ATP13A3: variants seen among roughly 807,000 people sequenced by gnomAD.
ATP13A3 encodes polyamine-transporting ATPase 13A3.
A neutral mutation model predicts 158.1 loss-of-function variants in ATP13A3; 59 were observed. The observed-to-expected ratio is 0.37, with a 90% CI of 0.30 to 0.46. The LOEUF (loss-of-function observed/expected upper bound fraction) is 0.46, where lower values mean the gene tolerates loss of function less well. Among genes scored for constraint, ATP13A3 ranks in the 20% least tolerant of loss-of-function variants. The pLI, the probability that ATP13A3 is intolerant of heterozygous loss-of-function variation, is 1.00. For synonymous variants in ATP13A3, 491 were observed against 504.3 expected, an observed-to-expected ratio of 0.97 and a Z score of 0.35; for missense variants, 1,166 against 1,525.2, an observed-to-expected ratio of 0.76 and a Z score of 3.92.
chr3:194,493,897 A>C (rs1313788916), intron 2 of ATP13A3, among the ~76,000 whole-genome samples: 1 of 152,136 alleles, frequency 6.6e-6, no homozygotes, highest in African/African-American at 2.4e-5. Context: ...CCTTTATAAC[A>C]ATTCTAGGAA....
In ATP13A3 at chr3:194,425,471, C is replaced by T. The variant is rs531855588; in HGVS notation, c.3184G>A (p.Glu1062Lys). The T allele has an allele frequency of 1.9e-6, 3 of 1,613,698 alleles. No individual in the cohort carries two copies. The highest frequency in any genetic ancestry group is 1.3e-5 in the African/African-American group (1 of 75,028). The change falls in exon 30 of 34, where the codon GAA (glutamate) becomes AAA (lysine). Residue 1062 changes from glutamate to lysine, a missense_variant. Glu to Lys is a moderately conservative substitution (Grantham distance 56). Transcript: ENST00000645319. The part of the protein sequence containing the change: ...WNSSHVDNET[E>K]LDEHNIQNYE... Reference sequence around the variant, plus strand: ...TTTTGTATATTATGTTCATCAAGTTCGGTTTCATTGTCTACGTGTGAAGAA... The same window carrying T: ...TTTTGTATATTATGTTCATCAAGTTTGGTTTCATTGTCTACGTGTGAAGAA...
intron 30 of ATP13A3, among the ~76,000 whole-genome samples, chr3:194,424,194 C>T (rs1716594006): frequency 3.3e-5 from 5 of 150,946 alleles, no homozygotes; most frequent in Admixed American, 3.3e-4. Flanking sequence ...GGTTATACAG[C>T]AATACACAAC....
chr3:194,466,106 T>C (rs1178184339), intron 2 of ATP13A3, among the ~76,000 whole-genome samples: 1 of 151,992 alleles, frequency 6.6e-6, no homozygotes, highest in African/African-American at 2.4e-5. Context: ...ACTAAAACAG[T>C]ACTTAGAAAA....
chr3:194,441,198 T>C, intron 16 of ATP13A3, 113 bp downstream of exon 16: 2 of 838,888 alleles, frequency 2.4e-6, no homozygotes, highest in Non-Finnish European at 3.7e-6. Flanking sequence ...CCTTTTAGGG[T>C]ACAAGATAGA....
Position 194,471,343 on chromosome 3 carries a change from AAAAAG to A in ATP13A3, c.-46-9112_-46-9108del, listed in dbSNP as rs1425867584. The stretch of plus-strand genomic sequence containing the variant: ...AAATTCTAAAAAAAAAAAAAAAAAA[AAAAAG>A]AAAAGAAAAGAAAAAGAAAATTTGA... On this transcript the variant is annotated intron_variant, in intron 2 of 33. Transcript: ENST00000645319. Among the ~76,000 whole-genome samples the A allele has an allele frequency of 9.9e-4, 148 of 149,470 alleles. 1 individual carries two copies. In the South Asian group the frequency reaches 0.012, roughly 13 times the overall value.
chr3:194,466,276 A>C (rs1433538427), intron 2 of ATP13A3, among the ~76,000 whole-genome samples: 2 of 152,182 alleles, frequency 1.3e-5, no homozygotes, highest in Non-Finnish European at 2.9e-5. Flanking sequence ...AAAAACAGAA[A>C]GAGGAAACGT....
At position 194,449,388 on chromosome 3, in the gene ATP13A3, A is replaced by G. The variant is rs567352967; in HGVS notation, c.971-752T>C. On this transcript the variant is annotated intron_variant, in intron 11 of 33. Transcript: ENST00000645319. ...TAAAAAAAAAATTCACACGATTAAA[A>G]TAAGATATTGGACAGGCACAGTGGC... Among the ~76,000 whole-genome samples the G allele has an allele frequency of 2.6e-4, 40 of 152,308 alleles. No individual in the cohort carries two copies. The South Asian group carries it at 3.7e-3, about 14-fold the overall frequency.
chr3:194,471,288 T>G (rs899625183), intron 2 of ATP13A3, among the ~76,000 whole-genome samples: 5 of 134,182 alleles, frequency 3.7e-5, no homozygotes, highest in African/African-American at 1.4e-4. Flanking sequence ...TGAAAAAGCA[T>G]GTGCCTATAA....
chr3:194,424,571 G>C (rs2108787733), intron 30 of ATP13A3: 1 of 152,276 alleles, frequency 6.6e-6, no homozygotes, highest in East Asian at 1.9e-4. Context: ...CTAGAACACT[G>C]CCACCTAGTC....
chr3:194,492,022 C>T (rs1721152827), intron 2 of ATP13A3, among the ~76,000 whole-genome samples: 1 of 152,148 alleles, frequency 6.6e-6, no homozygotes, highest in African/African-American at 2.4e-5. Flanking sequence ...AGCAGAGCTG[C>T]TGATAAAAGC....
chr3:194,471,151 T>C (rs1215674970), intron 2 of ATP13A3, among the ~76,000 whole-genome samples: 2 of 152,054 alleles, frequency 1.3e-5, no homozygotes, highest in East Asian at 3.9e-4. Context: ...CATGGTGCTC[T>C]ATCAGACCAT....
At chr3:194,443,059 C>G (rs1718159731) in intron 15 of ATP13A3, among the ~76,000 whole-genome samples, 3 of 148,758 alleles carry the variant, frequency 2.0e-5, no homozygotes, top group Admixed American at 2.0e-4. Context: ...AAAAGAGTGA[C>G]AGTGAAACAA....
intron 21 of ATP13A3, 178 bp from the exon 22 acceptor site, chr3:194,432,070 A>G (rs114431718): frequency 1.9e-6 from 1 of 535,838 alleles, no homozygotes. Flanking sequence ...TTATCAAAAG[A>G]AGCCTCAAAT....
At chr3:194,420,608 T>C (rs1186801675) in intron 30 of ATP13A3, among the ~76,000 whole-genome samples, 1 of 152,158 alleles carries the variant, frequency 6.6e-6, no homozygotes, top group Non-Finnish European at 1.5e-5. Context: ...GCTGACCTTA[T>C]GGCTTGCTAT....
chr3:194,411,371 A>G (rs777046958), intron 33 of ATP13A3, among the ~76,000 whole-genome samples: 2 of 152,170 alleles, frequency 1.3e-5, no homozygotes, highest in Non-Finnish European at 2.9e-5. Flanking sequence ...ACCCATCTCT[A>G]AAGAAAAATG....
In ATP13A3 at chr3:194,448,268, C is replaced by T. The variant is rs764296348; in HGVS notation, c.1150+189G>A. On this transcript the variant is annotated intron_variant, in intron 12 of 33. Coordinates refer to ENST00000645319, the MANE Select transcript of ATP13A3 (RefSeq NM_001367549.1). This position sits in a 1 kb window ranked among gnomAD's most constrained non-coding sequence, Gnocchi z 4.0. ...AATTTTTTTGTAATTTTGGTAGAGACGGGGTTTCACCATGTTAGCCAGGAT... is the reference window on the plus strand; with the variant it reads ...AATTTTTTTGTAATTTTGGTAGAGATGGGGTTTCACCATGTTAGCCAGGAT... Among the ~76,000 whole-genome samples the T allele has an allele frequency of 3.9e-4, 59 of 152,034 alleles. No individual in the cohort carries two copies. Among genetic ancestry groups the T allele is most frequent in the Admixed American group, 2.9e-3 (45 of 15,272 alleles).
rs764524282 is a variant in ATP13A3 at position 194,437,210 on chromosome 3, C to G, written c.2005G>C (p.Val669Leu). 6.2e-7 allele frequency: 1 copy of G among 1,614,072 alleles called. No homozygotes were observed. The highest frequency in any genetic ancestry group is 8.5e-7 in the Non-Finnish European group (1 of 1,179,990). ...AGLCKPETVP[V>L]DFQNVLEDFT... ...TCTTCCAAAACGTTTTGAAAATCGA[C>G]AGGAACTTTTTAAAAGAAAGAGTAA... Residue 669 changes from valine (V) to leucine (L), a missense_variant, in exon 20 of 34, where the codon GTC becomes CTC. Around this residue, in one of 3 missense-constraint regions of ATP13A3, gnomAD observed 997 missense variants for 1,341.2 expected, o/e 0.74. Transcript: ENST00000645319.
At chr3:194,444,918 T>C in intron 14 of ATP13A3, 132 bp from the exon 15 acceptor site, 1 of 625,658 alleles carries the variant, frequency 1.6e-6, no homozygotes, top group East Asian at 3.0e-5. Flanking sequence ...TTCTACAGAG[T>C]TAAAAAAAGA....
chr3:194,434,751 T>C (rs1045409257), intron 20 of ATP13A3, among the ~76,000 whole-genome samples: 10 of 152,178 alleles, frequency 6.6e-5, no homozygotes, highest in African/African-American at 2.2e-4. Context: ...ACCCCGTCTC[T>C]ACAAAAAATG....
Sources: gnomAD v4.1 joint callset for allele counts (sites outside exome capture counted in the v4.1 genomes callset) on GRCh38, gnomAD v4.1.1 for gene constraint, gnomAD v4.1.1 regional missense constraint, Gnocchi (gnomAD v3.1) non-coding constraint, MANE v1.5 for transcripts, NCBI Gene and HGNC (gene_info 2026-07-23, HGNC 2026-07-21) for gene names.